CNTNAP2: variants seen among roughly 807,000 people sequenced by gnomAD.
CNTNAP2 encodes contactin-associated protein-like 2.
A neutral mutation model predicts 155.2 loss-of-function variants in CNTNAP2; 98 were observed. The ratio of observed to expected loss-of-function variants is 0.63; its 90% CI spans 0.54 to 0.75. CNTNAP2 has a LOEUF of 0.75. CNTNAP2 is among the 30% of genes least tolerant of loss of function. The pLI is 0.00. For synonymous variants in CNTNAP2, 651 were observed against 631.2 expected (o/e 1.03, Z -0.47); for missense variants, 1,727 against 1,688.1 (o/e 1.02, Z -0.40).
intron 9 of CNTNAP2, among the ~76,000 whole-genome samples, chr7:147,357,958 T>C (rs1796091191): frequency 6.6e-6 from 1 of 152,112 alleles, no homozygotes; most frequent in South Asian, 2.1e-4. Flanking sequence ...CCACATCCAT[T>C]CCAAACTAGA....
chr7:147,746,763 G>A (rs182214312), intron 13 of CNTNAP2, among the ~76,000 whole-genome samples: 2 of 152,210 alleles, frequency 1.3e-5, no homozygotes, highest in East Asian at 3.9e-4. Context: ...AAGGGTGAGA[G>A]AACTCCGTTC....
At chr7:146,336,550 CAG>C (rs1052491245) in intron 1 of CNTNAP2, among the ~76,000 whole-genome samples, 3 of 148,876 alleles carry the variant, frequency 2.0e-5, no homozygotes, top group Non-Finnish European at 3.0e-5. Flanking sequence ...AAAAAAAAAA[CAG>C]AATTAATTGG....
intron 13 of CNTNAP2, among the ~76,000 whole-genome samples, chr7:147,759,187 A>G (rs2116515719): frequency 6.6e-6 from 1 of 152,320 alleles, no homozygotes; most frequent in East Asian, 1.9e-4. Flanking sequence ...CCAGGTTGTT[A>G]CTGATAGACA....
chr7:148,012,809 G>T (rs1178635923), intron 15 of CNTNAP2, among the ~76,000 whole-genome samples: 4 of 152,054 alleles, frequency 2.6e-5, no homozygotes, highest in African/African-American at 7.2e-5. Flanking sequence ...TGTTACTTTT[G>T]ACTCTTTTGC....
intron 3 of CNTNAP2, among the ~76,000 whole-genome samples, chr7:146,929,810 A>G (rs569349563): frequency 1.2e-3 from 177 of 152,350 alleles, no homozygotes; most frequent in Middle Eastern, 6.8e-3. Flanking sequence ...CTCAGGAGCC[A>G]ATGCGATCAA....
intron 21 of CNTNAP2, among the ~76,000 whole-genome samples, chr7:148,338,108 C>G (rs569138296): frequency 6.6e-6 from 1 of 152,102 alleles, no homozygotes; most frequent in African/African-American, 2.4e-5. Flanking sequence ...GTACTTCCAG[C>G]CCCTGAGAGC....
chr7:146,663,294 A>AAAG lies in CNTNAP2; in HGVS notation c.98-110975_98-110974insGAA, dbSNP rs1563178184. ...CTCCATCTCAAAAAAAAAAAAAAAA[A>AAAG]AAAAGAAAGAAAGAAAAAGAAAGGA... On this transcript the variant is annotated intron_variant, in intron 1 of 23. Transcript: ENST00000361727. 5.0e-4 allele frequency among the ~76,000 whole-genome samples: 51 copies of AAAG among 103,024 alleles called. 3 individuals carry two copies. Among genetic ancestry groups the AAAG allele is most frequent in the South Asian group, 1.5e-3 (5 of 3,370 alleles). 67.6% of individuals were successfully genotyped at this position (103,024 alleles called of 152,430 possible). A position where few individuals can be genotyped will look rare whatever the true frequency, so the allele number is the denominator to read the frequency against.
chr7:146,576,356 ATG>A (rs1459268118), intron 1 of CNTNAP2, among the ~76,000 whole-genome samples: 1 of 152,160 alleles, frequency 6.6e-6, no homozygotes, highest in Non-Finnish European at 1.5e-5. Flanking sequence ...TTTAGGGGAT[ATG>A]TGTTTTATTG....
intron 3 of CNTNAP2, among the ~76,000 whole-genome samples, chr7:146,952,576 G>A (rs535001394): frequency 2.0e-4 from 30 of 152,074 alleles, no homozygotes; most frequent in Middle Eastern, 3.4e-3. Flanking sequence ...CAACTTCGGC[G>A]AAGTCTCAGG....
At chr7:146,864,320 G>A (rs1795161062) in intron 3 of CNTNAP2, among the ~76,000 whole-genome samples, 1 of 151,968 alleles carries the variant, frequency 6.6e-6, no homozygotes, top group South Asian at 2.1e-4. Context: ...AATCAGTAAT[G>A]CAAATCATCA....
At chr7:147,001,301 A>C (rs1798417279) in intron 3 of CNTNAP2, among the ~76,000 whole-genome samples, 1 of 151,974 alleles carries the variant, frequency 6.6e-6, no homozygotes, top group African/African-American at 2.4e-5. Context: ...GGAGAGTCTT[A>C]ATTGACAGTC....
At chr7:146,849,840 C>G (rs1229574573) in intron 3 of CNTNAP2, among the ~76,000 whole-genome samples, 1 of 152,070 alleles carries the variant, frequency 6.6e-6, no homozygotes, top group Non-Finnish European at 1.5e-5. Context: ...AATAGTAGGT[C>G]TAGCCTTGAG....
intron 16 of CNTNAP2, among the ~76,000 whole-genome samples, chr7:148,135,790 A>C (rs1804926233): frequency 7.6e-6 from 1 of 131,760 alleles, no homozygotes; most frequent in African/African-American, 2.9e-5. Flanking sequence ...GGGAGGTTGC[A>C]GTGAGCCAAG....
chr7:146,237,283 G>C (rs868211830), intron 1 of CNTNAP2, among the ~76,000 whole-genome samples: 31 of 152,306 alleles, frequency 2.0e-4, no homozygotes, highest in Middle Eastern at 3.4e-3. Context: ...CACTTTAAAT[G>C]AATAAATAGC....
intron 4 of CNTNAP2, among the ~76,000 whole-genome samples, chr7:147,055,664 C>A (rs917736306): frequency 2.0e-5 from 3 of 152,144 alleles, no homozygotes; most frequent in Admixed American, 2.0e-4. Flanking sequence ...ACAGAGTGAG[C>A]AATCAGACAC....
intron 13 of CNTNAP2, among the ~76,000 whole-genome samples, chr7:147,871,611 CTGAAGTG>C (rs1478891302): frequency 6.6e-6 from 1 of 151,898 alleles, no homozygotes. Flanking sequence ...CTGCTGCCCA[CTGAAGTG>C]GGTACAATTT....
At chr7:147,981,352 G>A (rs1402272188) in intron 15 of CNTNAP2, among the ~76,000 whole-genome samples, 2 of 152,192 alleles carry the variant, frequency 1.3e-5, no homozygotes, top group East Asian at 1.9e-4. Context: ...TACCAACATA[G>A]TACAAACATT....
intron 15 of CNTNAP2, among the ~76,000 whole-genome samples, chr7:148,023,994 A>G (rs1416540368): frequency 6.6e-6 from 1 of 152,130 alleles, no homozygotes; most frequent in Non-Finnish European, 1.5e-5. Context: ...TCAAATTCAC[A>G]TAAAAGGAGG....
At chr7:146,138,534 T>G (rs1241122370) in intron 1 of CNTNAP2, among the ~76,000 whole-genome samples, 4 of 152,178 alleles carry the variant, frequency 2.6e-5, no homozygotes, top group African/African-American at 9.7e-5. Context: ...TCACAAGTAT[T>G]AGGGACATTT....
Sources: gnomAD v4.1 joint callset for allele counts (sites outside exome capture counted in the v4.1 genomes callset) on GRCh38, gnomAD v4.1.1 for gene constraint, MANE v1.5 for transcripts, NCBI Gene and HGNC (gene_info 2026-07-23, HGNC 2026-07-21) for gene names.